AFF2: variants seen among roughly 807,000 people sequenced by gnomAD.
The protein encoded by AFF2 is AF4/FMR2 family member 2.
A neutral mutation model predicts 76.9 loss-of-function variants in AFF2; 14 were observed. That is an observed-to-expected ratio of 0.18 (90% CI 0.12 to 0.28). The LOEUF (loss-of-function observed/expected upper bound fraction) is 0.28, where lower values mean the gene tolerates loss of function less well. AFF2 is among the 10% of genes least tolerant of loss of function. The probability of loss-of-function intolerance (pLI) is 1.00; values close to 1 mark genes in which losing one functional copy is unlikely to be tolerated. For missense variants in AFF2, 868 were observed against 1,001.1 expected (o/e 0.87, Z 1.79); for synonymous variants, 398 against 366.7 (o/e 1.09, Z -0.98).
chrX:148,984,827 C>T (rs1189374088), intron 19 of AFF2, among the ~76,000 whole-genome samples: 1 of 111,149 alleles, frequency 9.0e-6, no homozygotes, highest in Non-Finnish European at 1.9e-5. Context: ...TGAATCCAAC[C>T]TTTTCTTGCA....
intron 3 of AFF2, among the ~76,000 whole-genome samples, chrX:148,667,980 G>A (rs1181205085): frequency 8.9e-6 from 1 of 112,428 alleles, no homozygotes; most frequent in Non-Finnish European, 1.9e-5. Context: ...AGTCCCTTCC[G>A]CTTATGAGTC....
chrX:148,908,669 C>A (rs2071436456), intron 9 of AFF2, among the ~76,000 whole-genome samples: 1 of 111,678 alleles, frequency 9.0e-6, no homozygotes. Flanking sequence ...AACAGAGGCC[C>A]AGCGGCATCA....
chrX:148,627,849 T>G (rs1044590063), intron 1 of AFF2, among the ~76,000 whole-genome samples: 1 of 111,836 alleles, frequency 8.9e-6, no homozygotes, highest in Non-Finnish European at 1.9e-5. Flanking sequence ...CAGGCAGAAA[T>G]GATCCTCTAC....
At chrX:148,795,531 A>T (rs1362584852) in intron 3 of AFF2, among the ~76,000 whole-genome samples, 1 of 107,521 alleles carries the variant, frequency 9.3e-6, no homozygotes, top group Non-Finnish European at 1.9e-5. Flanking sequence ...GGCCATGCTC[A>T]GTAGATCATG....
chrX:148,769,162 G>T (rs2069554800), intron 3 of AFF2, among the ~76,000 whole-genome samples: 1 of 111,415 alleles, frequency 9.0e-6, no homozygotes, highest in African/African-American at 3.3e-5. Flanking sequence ...CTTGGTAGAT[G>T]AAAAATGATA....
intron 1 of AFF2, among the ~76,000 whole-genome samples, chrX:148,517,058 A>G (rs1424101255): frequency 8.9e-6 from 1 of 112,170 alleles, no homozygotes; most frequent in Non-Finnish European, 1.9e-5. Context: ...TTCATTCAAC[A>G]AATATATTCT....
Position 148,977,989 on chromosome X carries a change from A to C in AFF2, c.3461A>C (p.Lys1154Thr). The C allele has an allele frequency of 8.3e-7, 1 of 1,201,876 alleles. No individual in the cohort carries two copies. Among genetic ancestry groups the C allele is most frequent in the Non-Finnish European group, 1.1e-6 (1 of 886,247 alleles). ...ASPLASDGDK[K>T]LAVLCYRCLS... ...CCCTTGGCTTCGGATGGGGACAAAA[A>C]GCTAGCAGTACTATGGTGAGTCCCA... Residue 1154 changes from lysine to threonine, a missense_variant, in exon 17 of 21, where the codon AAG becomes ACG. By Grantham distance (78) the Lys-to-Thr change is moderately conservative. This residue lies in a region of AFF2 where 57 missense variants were observed against 117.8 expected (regional missense o/e 0.48). Transcript: ENST00000370460.
intron 1 of AFF2, among the ~76,000 whole-genome samples, chrX:148,580,562 T>C (rs138550955): frequency 0.014 from 1,507 of 111,095 alleles, 20 homozygotes; most frequent in African/African-American, 0.033. Context: ...GCAGCAGACA[T>C]AATCAAATAG....
In AFF2 at chrX:148,606,515, A is replaced by G. The variant is rs993499174; in HGVS notation, c.48-45484A>G. ...CAAAATAATTAAAAAAAAAAAGTCAAGTCAGCCTTGTGGATAGATTTGTAA... is the reference window on the plus strand; with the variant it reads ...CAAAATAATTAAAAAAAAAAAGTCAGGTCAGCCTTGTGGATAGATTTGTAA... On this transcript the variant is annotated intron_variant, in intron 1 of 20. Transcript: ENST00000370460. Among the ~76,000 whole-genome samples the G allele has an allele frequency of 4.5e-5, 5 of 110,958 alleles. No individual in the cohort carries two copies. In the East Asian group the frequency reaches 1.4e-3, roughly 32 times the overall value.
intron 7 of AFF2, among the ~76,000 whole-genome samples, chrX:148,858,130 A>G (rs2070806875): frequency 9.0e-6 from 1 of 111,669 alleles, no homozygotes; most frequent in Admixed American, 9.5e-5. Context: ...AACGTTTCTT[A>G]TAAATAGAAT....
intron 19 of AFF2, among the ~76,000 whole-genome samples, chrX:148,982,879 C>T (rs1305813309): frequency 5.4e-5 from 6 of 111,740 alleles, no homozygotes; most frequent in Admixed American, 4.7e-4. Flanking sequence ...ACCAAGGCTA[C>T]TATGTAGAAA....
intron 1 of AFF2, among the ~76,000 whole-genome samples, chrX:148,615,159 C>T (rs781802420): frequency 9.0e-6 from 1 of 111,173 alleles, no homozygotes; most frequent in Non-Finnish European, 1.9e-5. Context: ...CTGTGACTTC[C>T]ATACTAGGGA....
chrX:148,617,030 A>G (rs1338903605), intron 1 of AFF2, among the ~76,000 whole-genome samples: 1 of 111,846 alleles, frequency 8.9e-6, no homozygotes, highest in African/African-American at 3.3e-5. Flanking sequence ...GCCACAATAA[A>G]CATACGTGTG....
At chrX:148,709,135 A>G (rs2054926128) in intron 3 of AFF2, among the ~76,000 whole-genome samples, 1 of 111,617 alleles carries the variant, frequency 9.0e-6, no homozygotes, top group African/African-American at 3.3e-5. Context: ...AACTAAGAAA[A>G]TTGCTTTCTG....
chrX:148,853,241 ATATATTGT>A (rs1437974139), intron 7 of AFF2, among the ~76,000 whole-genome samples: 4 of 111,508 alleles, frequency 3.6e-5, no homozygotes, highest in African/African-American at 1.3e-4. Context: ...AACACATAAT[ATATATTGT>A]TATATTGTTA....
intron 1 of AFF2, among the ~76,000 whole-genome samples, chrX:148,526,079 C>T (rs1337971690): frequency 1.8e-5 from 2 of 111,370 alleles, no homozygotes; most frequent in Non-Finnish European, 3.8e-5. Context: ...CTTCCGTGAG[C>T]AAGAAGATCA....
chrX:148,717,774 T>C (rs937505987), intron 3 of AFF2, among the ~76,000 whole-genome samples: 7 of 110,727 alleles, frequency 6.3e-5, no homozygotes, highest in Non-Finnish European at 1.1e-4. Flanking sequence ...TGGATGTGAG[T>C]AAAGGAAGGG....
intron 1 of AFF2, among the ~76,000 whole-genome samples, chrX:148,544,265 A>G (rs2052894741): frequency 8.9e-6 from 1 of 112,654 alleles, no homozygotes. Flanking sequence ...TTCCAAGTTG[A>G]AATAATTTTG....
At chrX:148,818,214 T>C (rs1253772999) in intron 4 of AFF2, among the ~76,000 whole-genome samples, 2 of 112,111 alleles carry the variant, frequency 1.8e-5, no homozygotes, top group Non-Finnish European at 3.8e-5. Context: ...CAGAAACAAA[T>C]TAACTGAAAA....
Sources: gnomAD v4.1 joint callset for allele counts (sites outside exome capture counted in the v4.1 genomes callset) on GRCh38, gnomAD v4.1.1 for gene constraint, gnomAD v4.1.1 regional missense constraint, MANE v1.5 for transcripts, NCBI Gene and HGNC (gene_info 2026-07-23, HGNC 2026-07-21) for gene names.